The following ITGB5 variants were observed in gnomAD, a reference collection of about 807,000 sequenced individuals.
ITGB5 encodes the protein integrin subunit beta 5.
In ITGB5, 38 loss-of-function variants were observed where a neutral mutation model predicts 84.8. The observed-to-expected ratio is 0.45, with a 90% confidence interval of 0.35 to 0.59. The LOEUF (loss-of-function observed/expected upper bound fraction) is 0.59, where lower values mean the gene tolerates loss of function less well. Among genes scored for constraint, ITGB5 ranks in the 20% least tolerant of loss-of-function variants. The pLI, the probability that ITGB5 is intolerant of heterozygous loss-of-function variation, is 0.01. For synonymous variants in ITGB5, 393 were observed against 414.4 expected, an observed-to-expected ratio of 0.95 and a Z score of 0.63; for missense variants, 905 against 1,034.5, an observed-to-expected ratio of 0.87 and a Z score of 1.72.
upstream of ITGB5, chr3:124,887,759 G>T (rs1049944358): frequency 2.3e-6 from 1 of 440,048 alleles, no homozygotes; most frequent in Non-Finnish European, 4.6e-6. Context: ...AGGTACGGGG[G>T]TCGTGCCGGT....
chr3:124,885,896 G>T (rs897388463), intron 1 of ITGB5, among the ~76,000 whole-genome samples: 1 of 152,228 alleles, frequency 6.6e-6, no homozygotes, highest in Non-Finnish European at 1.5e-5. Context: ...GAGACACCGT[G>T]GGGGAACAGT....
rs146712148 is a variant in ITGB5 at position 124,857,037 on chromosome 3, C to G, written c.361+2205G>C. Among the ~76,000 whole-genome samples the G allele has an allele frequency of 5.0e-3, 763 of 152,314 alleles. 9 individuals carry two copies. Among genetic ancestry groups the G allele is most frequent in the African/African-American group, 0.017 (726 of 41,570 alleles). The stretch of plus-strand genomic sequence containing the variant: ...CAACACTGATTCCTGGGCAGGCAAC[C>G]CAATAGTTTAAGCTTCTCTATCCAG... On this transcript the variant is annotated intron_variant, in intron 3 of 14. Coordinates refer to ENST00000296181, the MANE Select transcript of ITGB5 (RefSeq NM_002213.5).
At chr3:124,890,507 C>T (rs953570833), upstream of ITGB5, among the ~76,000 whole-genome samples, 1 of 152,122 alleles carries the variant, frequency 6.6e-6, no homozygotes, top group East Asian at 1.9e-4. Context: ...CCTTATCTAG[C>T]ATTCTTTAAG....
At chr3:124,858,532 C>T (rs2065251028) in intron 3 of ITGB5, among the ~76,000 whole-genome samples, 1 of 152,152 alleles carries the variant, frequency 6.6e-6, no homozygotes, top group African/African-American at 2.4e-5. Context: ...ATGTGATACA[C>T]CCATACAATG....
intron 10 of ITGB5, 46 bp downstream of exon 10, chr3:124,796,342 C>T: frequency 1.3e-6 from 2 of 1,523,768 alleles, no homozygotes; most frequent in South Asian, 1.2e-5. Flanking sequence ...GTCCTAACGG[C>T]ATCTTGGCCT....
upstream of ITGB5, among the ~76,000 whole-genome samples, chr3:124,888,913 G>A (rs7430164): frequency 0.62 from 94,944 of 152,026 alleles, 30,077 homozygotes; most frequent in East Asian, 0.77. Context: ...GCCTGAGGAA[G>A]TAAACTTCTT....
chr3:124,862,204 T>G (rs542363204), intron 2 of ITGB5: 1 of 152,352 alleles, frequency 6.6e-6, no homozygotes, highest in Admixed American at 6.5e-5. Flanking sequence ...TTTGTCAAGG[T>G]GCACCTGTTT....
intron 10 of ITGB5, among the ~76,000 whole-genome samples, chr3:124,782,248 A>T (rs1340630258): frequency 6.6e-6 from 1 of 152,222 alleles, no homozygotes; most frequent in African/African-American, 2.4e-5. Flanking sequence ...AGAGAAGCCA[A>T]GTAACTGATC....
In ITGB5 at chr3:124,766,203, GAGCCCTTGC is replaced by G. The variant is rs1472275941; in HGVS notation, c.2137+14_2137+22del. The G allele has an allele frequency of 6.2e-7, 1 of 1,609,086 alleles. No homozygotes were observed. Among genetic ancestry groups the G allele is most frequent in the Non-Finnish European group, 8.5e-7 (1 of 1,177,676 alleles). On this transcript the variant is annotated intron_variant, in intron 13 of 14. Transcript: ENST00000296181. ...GAACTGAGGGCTGGCTGAGTGGGCCGAGCCCTTGCAGCCCTCACCTACCTGGCTCCCTGA... is the reference window on the plus strand; with the variant it reads ...GAACTGAGGGCTGGCTGAGTGGGCCGAGCCCTCACCTACCTGGCTCCCTGA...
intron 8 of ITGB5, among the ~76,000 whole-genome samples, chr3:124,809,785 T>G (rs570492172): frequency 6.6e-6 from 1 of 152,198 alleles, no homozygotes; most frequent in Non-Finnish European, 1.5e-5. Flanking sequence ...CAAACAAAAA[T>G]CAAGTCAAAA....
intron 5 of ITGB5, among the ~76,000 whole-genome samples, chr3:124,822,463 G>A (rs2064721748): frequency 6.6e-6 from 1 of 152,224 alleles, no homozygotes; most frequent in Non-Finnish European, 1.5e-5. Flanking sequence ...TACGACAGAT[G>A]AAGAGTAGAG....
chr3:124,783,795 C>G (rs1440656042), intron 10 of ITGB5, among the ~76,000 whole-genome samples: 1 of 152,220 alleles, frequency 6.6e-6, no homozygotes, highest in Non-Finnish European at 1.5e-5. Context: ...GAAATCGCAG[C>G]CTTGCATCTC....
intron 10 of ITGB5, among the ~76,000 whole-genome samples, chr3:124,794,217 G>GGCAT (rs552648948): frequency 1.2e-3 from 178 of 152,282 alleles, no homozygotes; most frequent in African/African-American, 4.0e-3. Context: ...CTTTACAGGT[G>GGCAT]GCATGGTGTT....
chr3:124,774,019 A>G (rs2063887728), intron 10 of ITGB5, 107 bp from the exon 11 acceptor site: 1 of 986,856 alleles, frequency 1.0e-6, no homozygotes, highest in Non-Finnish European at 1.5e-6. Flanking sequence ...AGAATGGAAC[A>G]CCAACTCTGC....
At chr3:124,771,760 A>AAAAAAAAAAAAAAAAAAAAAAT (rs1214666930) in intron 11 of ITGB5, among the ~76,000 whole-genome samples, 1 of 151,842 alleles carries the variant, frequency 6.6e-6, no homozygotes, top group African/African-American at 2.4e-5. Context: ...AAAAAAAAAA[A>AAAAAAAAAAAAAAAAAAAAAAT]AAAAAAAGGA....
rs372655594 is a variant in ITGB5 at position 124,771,263 on chromosome 3, C to T, written c.1917-2150G>A. Among the ~76,000 whole-genome samples, 23 of 152,274 alleles carry T rather than the reference C, an allele frequency of 1.5e-4. No individual in the cohort carries two copies. In the East Asian group the frequency reaches 4.4e-3, roughly 29 times the overall value. Reference sequence around the variant, plus strand: ...GTTAGTTAGATCCAGAAAACGAAGACTGGCTGCCCTGAAACCCCCAGAAAA... The same window carrying T: ...GTTAGTTAGATCCAGAAAACGAAGATTGGCTGCCCTGAAACCCCCAGAAAA... On this transcript the variant is annotated intron_variant, in intron 11 of 14. Coordinates refer to ENST00000296181, the MANE Select transcript of ITGB5 (RefSeq NM_002213.5).
At chr3:124,894,121 T>G (rs1935051667) in intron 1 of ITGB5, among the ~76,000 whole-genome samples, 1 of 140,242 alleles carries the variant, frequency 7.1e-6, no homozygotes, top group Admixed American at 7.5e-5. Flanking sequence ...ATAGTAAAAG[T>G]TGTGATATTT....
chr3:124,859,451 G>A lies in ITGB5; in HGVS notation c.157-5C>T, dbSNP rs1417034821. ...GGACCGTGGGCTTCCGAAGTCCTAG[G>A]CAGGGAAAAAGAGGAAGAGAGCAGG... On this transcript the variant is annotated splice_region_variant and splice_polypyrimidine_tract_variant and intron_variant, in intron 2 of 14. Coordinates refer to ENST00000296181, the MANE Select transcript of ITGB5 (RefSeq NM_002213.5). 6.2e-6 allele frequency: 10 copies of A among 1,611,268 alleles called. No homozygotes were observed. Among genetic ancestry groups the A allele is most frequent in the East Asian group, 4.5e-5 (2 of 44,868 alleles).
chr3:124,804,125 A>G (rs1021528431), intron 9 of ITGB5, among the ~76,000 whole-genome samples: 1 of 152,194 alleles, frequency 6.6e-6, no homozygotes, highest in Non-Finnish European at 1.5e-5. Context: ...TGCATCTGGA[A>G]AGAGTTCTGA....
Sources: gnomAD v4.1 joint callset for allele counts (sites outside exome capture counted in the v4.1 genomes callset) on GRCh38, gnomAD v4.1.1 for gene constraint, MANE v1.5 for transcripts, NCBI Gene and HGNC (gene_info 2026-07-23, HGNC 2026-07-21) for gene names.